Variants in THSD7A observed in about 807,000 individuals in gnomAD.
The protein encoded by THSD7A is thrombospondin type-1 domain-containing protein 7A.
A neutral mutation model predicts 231.3 loss-of-function variants in THSD7A; 96 were observed. The ratio of observed to expected loss-of-function variants is 0.41; its 90% CI spans 0.35 to 0.49. The LOEUF (loss-of-function observed/expected upper bound fraction) is 0.49, where lower values mean the gene tolerates loss of function less well. THSD7A is among the 20% of genes least tolerant of loss of function. THSD7A has a pLI of 0.05. For missense variants in THSD7A, 2,290 were observed against 2,070.2 expected (o/e 1.11, Z -2.06); for synonymous variants, 940 against 743.3 (o/e 1.26, Z -4.30).
intron 4 of THSD7A, among the ~76,000 whole-genome samples, chr7:11,546,197 C>CGCGTGTGT (rs1554335266): frequency 5.1e-5 from 4 of 78,462 alleles, no homozygotes; most frequent in East Asian, 3.2e-4. Flanking sequence ...CTGGTGTGGG[C>CGCGTGTGT]GCGCGCTCAC....
rs759758646 is a variant in THSD7A at position 11,406,862 on chromosome 7, T to C, written c.4062+48A>G. ...TTTATGTTTTTCTGCAGATGAAGTC[T>C]CTGCAGATAGAGTACACACTTCCTG... On this transcript the variant is annotated intron_variant, in intron 21 of 27. Coordinates refer to ENST00000423059, the MANE Select transcript of THSD7A (RefSeq NM_015204.3). This position sits in a 1 kb window ranked among gnomAD's most constrained non-coding sequence, Gnocchi z 4.7. 2 of 1,592,578 alleles carry C rather than the reference T, an allele frequency of 1.3e-6. No homozygotes were observed. Among genetic ancestry groups the C allele is most frequent in the Admixed American group, 1.8e-5 (1 of 56,784 alleles).
chr7:11,480,914 T>C (rs530475508), intron 7 of THSD7A, among the ~76,000 whole-genome samples: 14 of 129,360 alleles, frequency 1.1e-4, no homozygotes, highest in African/African-American at 3.7e-4. Flanking sequence ...TATTTATCAG[T>C]GCTAAATGTG....
At chr7:11,710,278 A>C (rs1459499430) in intron 1 of THSD7A, among the ~76,000 whole-genome samples, 1 of 150,730 alleles carries the variant, frequency 6.6e-6, no homozygotes, top group Non-Finnish European at 1.5e-5. Context: ...AGAAAAAAAA[A>C]AAGAAAAGAA....
intron 1 of THSD7A, among the ~76,000 whole-genome samples, chr7:11,723,953 C>T (rs79549258): frequency 6.6e-6 from 1 of 151,720 alleles, no homozygotes; most frequent in Non-Finnish European, 1.5e-5. Flanking sequence ...ACTCTAGATG[C>T]TGAATTGAGA....
At chr7:11,618,344 T>C (rs1296862193) in intron 2 of THSD7A, among the ~76,000 whole-genome samples, 1 of 152,186 alleles carries the variant, frequency 6.6e-6, no homozygotes, top group Non-Finnish European at 1.5e-5. Flanking sequence ...ACACGTAAGA[T>C]GTATATTTTA....
chr7:11,513,814 AAC>A (rs1300671203), intron 6 of THSD7A, among the ~76,000 whole-genome samples: 1 of 152,198 alleles, frequency 6.6e-6, no homozygotes, highest in Non-Finnish European at 1.5e-5. Context: ...TAATTTAAAA[AAC>A]AATTTGATGT....
chr7:11,698,325 GT>G (rs925194466), intron 1 of THSD7A, among the ~76,000 whole-genome samples: 46 of 148,872 alleles, frequency 3.1e-4, no homozygotes, highest in South Asian at 1.1e-3. Flanking sequence ...AAGCAGTGAA[GT>G]TTTTTTTTTC....
chr7:11,539,012 T>C (rs1005444693), intron 6 of THSD7A, among the ~76,000 whole-genome samples: 2 of 152,212 alleles, frequency 1.3e-5, no homozygotes, highest in Non-Finnish European at 2.9e-5. Context: ...GTTCACAGGC[T>C]CTAATGCTTC....
intron 23 of THSD7A, among the ~76,000 whole-genome samples, chr7:11,398,473 C>G (rs1783276586): frequency 6.6e-6 from 1 of 151,976 alleles, no homozygotes; most frequent in Non-Finnish European, 1.5e-5. Context: ...CAGCAAATCA[C>G]CATGGCATGT....
At chr7:11,674,920 C>A (rs1783576362) in intron 1 of THSD7A, among the ~76,000 whole-genome samples, 1 of 152,048 alleles carries the variant, frequency 6.6e-6, no homozygotes, top group African/African-American at 2.4e-5. Flanking sequence ...GCCATAAAAC[C>A]CATCCACAAT....
chr7:11,422,216 G>T (rs1784168472), intron 16 of THSD7A, among the ~76,000 whole-genome samples: 1 of 152,044 alleles, frequency 6.6e-6, no homozygotes, highest in Admixed American at 6.5e-5. Flanking sequence ...TCTAGAAAAA[G>T]TCAGTGAAAA....
intron 1 of THSD7A, among the ~76,000 whole-genome samples, chr7:11,828,409 C>G (rs10239331): frequency 0.079 from 11,986 of 152,166 alleles, 569 homozygotes; most frequent in East Asian, 0.21. Context: ...CCTCATCCTT[C>G]AAGACCCAGA....
chr7:11,486,141 T>C (rs62438202), intron 6 of THSD7A, among the ~76,000 whole-genome samples: 3,071 of 152,318 alleles, frequency 0.02, 47 homozygotes, highest in South Asian at 0.064. Flanking sequence ...AATTTTATCT[T>C]ACTTATAAGG....
intron 9 of THSD7A, among the ~76,000 whole-genome samples, chr7:11,464,350 A>G (rs1785618655): frequency 6.6e-6 from 1 of 152,060 alleles, no homozygotes. Context: ...GGACAGACAC[A>G]GGATTAAGAC....
intron 1 of THSD7A, among the ~76,000 whole-genome samples, chr7:11,649,717 A>C (rs1425061765): frequency 6.6e-6 from 1 of 152,076 alleles, no homozygotes; most frequent in Non-Finnish European, 1.5e-5. Flanking sequence ...CACAGCAGGA[A>C]GTTGAGCAAT....
At chr7:11,509,245 T>C (rs1019370292) in intron 6 of THSD7A, among the ~76,000 whole-genome samples, 1 of 152,210 alleles carries the variant, frequency 6.6e-6, no homozygotes, top group Non-Finnish European at 1.5e-5. Context: ...GATATGGACA[T>C]GTTTTGGTTT....
chr7:11,534,349 T>C (rs1788828539), intron 6 of THSD7A, among the ~76,000 whole-genome samples: 1 of 152,164 alleles, frequency 6.6e-6, no homozygotes, highest in African/African-American at 2.4e-5. Flanking sequence ...TGATATTGTG[T>C]GAGTTCAAGA....
At chr7:11,821,375 C>T in intron 1 of THSD7A, 1 of 500,700 alleles carries the variant, frequency 2.0e-6, no homozygotes, top group Non-Finnish European at 3.7e-6. Context: ...TTTATCTCTT[C>T]TCCCTTGCCC....
chr7:11,551,908 G>A (rs986814685), intron 4 of THSD7A, among the ~76,000 whole-genome samples: 1 of 151,906 alleles, frequency 6.6e-6, no homozygotes. Context: ...GTTCATCACA[G>A]AACTATTCAA....
Sources: allele counts gnomAD v4.1 joint callset (sites outside exome capture counted in the v4.1 genomes callset), GRCh38; gene constraint gnomAD v4.1.1; non-coding constraint Gnocchi (gnomAD v3.1); transcripts MANE v1.5; gene names NCBI Gene and HGNC (gene_info 2026-07-23, HGNC 2026-07-21).